Variants in RASSF3 observed in about 807,000 individuals in gnomAD.
The protein encoded by RASSF3 is ras association domain-containing protein 3.
In RASSF3, 19 loss-of-function variants were observed where a neutral mutation model predicts 19.9. That is an observed-to-expected ratio of 0.96 (90% confidence interval 0.67 to 1.40). The LOEUF (loss-of-function observed/expected upper bound fraction) is 1.40. RASSF3 is among the 40% of genes most tolerant of loss of function. The probability of loss-of-function intolerance (pLI) is 0.00; values close to 1 mark genes in which losing one functional copy is unlikely to be tolerated. For missense variants in RASSF3, 306 were observed against 289.8 expected (o/e 1.06, Z -0.41); for synonymous variants, 110 against 104.2 (o/e 1.06, Z -0.34).
At chr12:64,541,744 G>A (rs1352408136), downstream of RASSF3, 2 of 398,324 alleles carry the variant, frequency 5.0e-6, no homozygotes, top group Non-Finnish European at 8.8e-6. Flanking sequence ...GTGCGTTTCG[G>A]TCACTCCCAT....
Position 64,553,346 on chromosome 12 carries a change from G to A in RASSF3, c.294+11641G>A, listed in dbSNP as rs534404220. On this transcript the variant is annotated intron_variant, in intron 2 of 5. Coordinates refer to the RASSF3 transcript ENST00000637125. Reference sequence around the variant, plus strand: ...AACTGCTGACAAGTGAGGGTGGACCGGGGGGTTAAATATTCCTGACATTGG... The same window carrying A: ...AACTGCTGACAAGTGAGGGTGGACCAGGGGGTTAAATATTCCTGACATTGG... Among the ~76,000 whole-genome samples the A allele has an allele frequency of 1.8e-4, 27 of 152,232 alleles. No individual in the cohort carries two copies. The East Asian group carries it at 2.3e-3, about 13-fold the overall frequency.
At chr12:64,644,963 A>G (rs1488984713) in intron 1 of RASSF3, among the ~76,000 whole-genome samples, 1 of 152,076 alleles carries the variant, frequency 6.6e-6, no homozygotes, top group Non-Finnish European at 1.5e-5. Context: ...AGTCCCAGCT[A>G]CTGTGGAGAA....
chr12:64,618,196 C>T (rs1395332151), intron 1 of RASSF3, among the ~76,000 whole-genome samples: 3 of 152,148 alleles, frequency 2.0e-5, no homozygotes, highest in Non-Finnish European at 4.4e-5. Flanking sequence ...TGCCCTATAG[C>T]CTCGAACTCC....
chr12:64,662,900 G>A (rs2136199841), intron 1 of RASSF3, among the ~76,000 whole-genome samples: 1 of 152,262 alleles, frequency 6.6e-6, no homozygotes, highest in East Asian at 1.9e-4. Flanking sequence ...GGGAAATAGT[G>A]TGTGTGTTTT....
intron 1 of RASSF3, among the ~76,000 whole-genome samples, chr12:64,618,182 A>G (rs1005926255): frequency 1.3e-5 from 2 of 152,148 alleles, no homozygotes; most frequent in Non-Finnish European, 2.9e-5. Context: ...AGGCATGATA[A>G]TAGTGCCCTA....
chr12:64,521,027 G>C (rs771481633), intron 1 of RASSF3, among the ~76,000 whole-genome samples: 2 of 152,110 alleles, frequency 1.3e-5, no homozygotes, highest in Admixed American at 6.5e-5. Context: ...AATGGTTGTC[G>C]GGTCATCTGT....
intron 2 of RASSF3, among the ~76,000 whole-genome samples, chr12:64,580,907 A>T (rs1178408096): frequency 1.3e-5 from 2 of 152,136 alleles, no homozygotes; most frequent in South Asian, 4.1e-4. Flanking sequence ...CAAAGATCCT[A>T]TTTCCAAATA....
intron 2 of RASSF3, among the ~76,000 whole-genome samples, chr12:64,599,727 G>C (rs949089522): frequency 6.6e-6 from 1 of 152,086 alleles, no homozygotes; most frequent in East Asian, 1.9e-4. Context: ...ATGAGTTTAG[G>C]AGCGCTCAAA....
intron 1 of RASSF3, among the ~76,000 whole-genome samples, chr12:64,624,905 G>A (rs191803713): frequency 6.6e-6 from 1 of 151,524 alleles, no homozygotes; most frequent in Non-Finnish European, 1.5e-5. Context: ...CTGACTTCGC[G>A]ATCTGCCCGC....
intron 2 of RASSF3, among the ~76,000 whole-genome samples, chr12:64,561,960 G>C (rs1381244539): frequency 6.6e-6 from 1 of 150,674 alleles, no homozygotes; most frequent in African/African-American, 2.4e-5. Context: ...CTGGGATTAC[G>C]GCATGAGCCA....
chr12:64,580,556 C>T (rs1474818066), intron 2 of RASSF3, among the ~76,000 whole-genome samples: 1 of 141,412 alleles, frequency 7.1e-6, no homozygotes, highest in Non-Finnish European at 1.5e-5. Context: ...AGAATGAGAC[C>T]TTGTCTCTTT....
At chr12:64,567,505 C>A (rs1404756019) in intron 2 of RASSF3, among the ~76,000 whole-genome samples, 1 of 152,154 alleles carries the variant, frequency 6.6e-6, no homozygotes. Context: ...ACCTCTCCTG[C>A]ACAATCGTTA....
At chr12:64,613,499 C>A (rs1041042535) in intron 1 of RASSF3, among the ~76,000 whole-genome samples, 1 of 152,068 alleles carries the variant, frequency 6.6e-6, no homozygotes, top group African/African-American at 2.4e-5. Flanking sequence ...CTGGAAATTT[C>A]TTTCTTCTCT....
intron 2 of RASSF3, among the ~76,000 whole-genome samples, chr12:64,593,314 G>T (rs185471507): frequency 6.6e-6 from 1 of 152,116 alleles, no homozygotes; most frequent in Admixed American, 6.6e-5. Context: ...CTCCGCTTCT[G>T]GGGTTCAAGC....
chr12:64,586,652 A>G (rs1373478628), intron 2 of RASSF3, among the ~76,000 whole-genome samples: 3 of 151,574 alleles, frequency 2.0e-5, no homozygotes, highest in African/African-American at 7.3e-5. Flanking sequence ...GCCAGGCATT[A>G]TGGCTCACGC....
At chr12:64,683,611 G>A (rs888178483) in intron 1 of RASSF3, among the ~76,000 whole-genome samples, 2 of 152,170 alleles carry the variant, frequency 1.3e-5, no homozygotes, top group South Asian at 2.1e-4. Flanking sequence ...GTATGAGTCC[G>A]TGAATAGTGC....
rs1868401117 is a variant in RASSF3 at position 64,697,405 on chromosome 12, G to T, written c.*2493G>T. The T allele has an allele frequency of 6.6e-6, 1 of 152,052 alleles. No individual in the cohort carries two copies. The highest frequency in any genetic ancestry group is 6.6e-5 in the Admixed American group (1 of 15,256). 9.4% of individuals were successfully genotyped at this position (152,052 alleles called of 1,614,324 possible). A position where few individuals can be genotyped will look rare whatever the true frequency, so the allele number is the denominator to read the frequency against. ...GTACAGGAAGGATGTTAAATGAAGG[G>T]GTGGTATTGCAGGAGAGCATTTTAA... On this transcript the variant is annotated 3_prime_UTR_variant, in exon 5 of 5. Coordinates refer to ENST00000542104, the MANE Select transcript of RASSF3 (RefSeq NM_178169.4).
At chr12:64,520,530 A>G (rs1868450710) in intron 1 of RASSF3, among the ~76,000 whole-genome samples, 1 of 146,886 alleles carries the variant, frequency 6.8e-6, no homozygotes, top group Non-Finnish European at 1.5e-5. Context: ...GTGTGTGTAT[A>G]CACACACAGA....
intron 2 of RASSF3, among the ~76,000 whole-genome samples, chr12:64,554,119 C>A (rs1294732346): frequency 6.6e-6 from 1 of 152,164 alleles, no homozygotes; most frequent in Admixed American, 6.5e-5. Flanking sequence ...CAACAGAACA[C>A]ATTCTTCTCT....
Sources: gnomAD v4.1 joint callset for allele counts (sites outside exome capture counted in the v4.1 genomes callset) on GRCh38, gnomAD v4.1.1 for gene constraint, MANE v1.5 for transcripts, NCBI Gene and HGNC (gene_info 2026-07-23, HGNC 2026-07-21) for gene names.